AGTR1: variants seen among roughly 807,000 people sequenced by gnomAD.
AGTR1 encodes the protein angiotensin II receptor type 1.
AGTR1 carries 16 observed loss-of-function variants against 19.4 expected under a neutral mutation model. The observed-to-expected ratio is 0.82, with a 90% confidence interval of 0.56 to 1.25. The LOEUF (loss-of-function observed/expected upper bound fraction) is 1.25, where lower values mean the gene tolerates loss of function less well. Among genes scored for constraint, AGTR1 ranks in the 50% most tolerant of loss-of-function variants. The probability of loss-of-function intolerance (pLI) is 0.00; values close to 1 mark genes in which losing one functional copy is unlikely to be tolerated. For synonymous variants in AGTR1, 153 were observed against 154.9 expected, an observed-to-expected ratio of 0.99 and a Z score of 0.09; for missense variants, 373 against 431.9, an observed-to-expected ratio of 0.86 and a Z score of 1.21.
In AGTR1 at chr3:148,742,282, T is replaced by G. The variant is rs2107976777; in HGVS notation, c.*167T>G. 9.9e-7 allele frequency: 1 copy of G among 1,009,460 alleles called. No homozygotes were observed. The highest frequency in any genetic ancestry group is 2.4e-5 in the East Asian group (1 of 41,360). 62.5% of individuals were successfully genotyped at this position (1,009,460 alleles called of 1,614,324 possible). ...TTCTAAAGCTCTGAACAAAAGCTTT[T>G]CTTTCCTTTTGCAACAAGACAAAGC... On this transcript the variant is annotated 3_prime_UTR_variant, in exon 3 of 3. Transcript: ENST00000349243.
intron 2 of AGTR1, among the ~76,000 whole-genome samples, chr3:148,718,156 G>A (rs1713401944): frequency 6.6e-6 from 1 of 152,136 alleles, no homozygotes; most frequent in Non-Finnish European, 1.5e-5. Context: ...AAAGAAGTGA[G>A]CTTCCTAGTA....
At chr3:148,734,249 A>T (rs1714446454) in intron 2 of AGTR1, among the ~76,000 whole-genome samples, 1 of 152,222 alleles carries the variant, frequency 6.6e-6, no homozygotes, top group Admixed American at 6.5e-5. Flanking sequence ...CATATCCTAA[A>T]TATAAATGTT....
At chr3:148,707,240 TATAC>T (rs1237185817) in intron 1 of AGTR1, among the ~76,000 whole-genome samples, 4 of 152,062 alleles carry the variant, frequency 2.6e-5, no homozygotes, top group African/African-American at 9.7e-5. Context: ...AAACTATAGA[TATAC>T]ATATTTATAT....
rs1714889058 is a variant in AGTR1, at chr3:148,741,563, T to C, written c.528T>C (p.Asn176=). 1 of 1,613,962 alleles carries C rather than the reference T, an allele frequency of 6.2e-7. No individual in the cohort carries two copies. Residue 176 remains asparagine, a synonymous_variant, in exon 3 of 3, where the codon AAT becomes AAC. Transcript: ENST00000349243. ...ATGTATTTTTCATTGAGAACACCAA[T>C]ATTACAGTTTGTGCTTTCCATTATG... ...HRNVFFIENT[N]ITVCAFHYES...
At chr3:148,735,724 G>A (rs1419832766) in intron 2 of AGTR1, among the ~76,000 whole-genome samples, 2 of 152,310 alleles carry the variant, frequency 1.3e-5, no homozygotes, top group Middle Eastern at 3.4e-3. Context: ...TTTCACAAGT[G>A]AATAGCTAAC....
At chr3:148,717,418 C>T (rs953384337) in intron 2 of AGTR1, among the ~76,000 whole-genome samples, 2 of 152,120 alleles carry the variant, frequency 1.3e-5, no homozygotes, top group Admixed American at 6.5e-5. Context: ...GGAGTAATTC[C>T]GACACCTAGG....
intron 2 of AGTR1, among the ~76,000 whole-genome samples, chr3:148,720,109 C>T (rs767671710): frequency 1.4e-4 from 21 of 152,124 alleles, no homozygotes; most frequent in Admixed American, 3.3e-4. Context: ...ATCTCTCTAA[C>T]CACTTGAAGC....
chr3:148,708,396 G>C (rs1431054154), intron 2 of AGTR1, among the ~76,000 whole-genome samples: 1 of 152,070 alleles, frequency 6.6e-6, no homozygotes, highest in African/African-American at 2.4e-5. Context: ...TCTCTTGTCA[G>C]CTACTTCCTG....
At chr3:148,698,762 C>T (rs1712138962) in intron 1 of AGTR1, among the ~76,000 whole-genome samples, 1 of 152,200 alleles carries the variant, frequency 6.6e-6, no homozygotes, top group Non-Finnish European at 1.5e-5. Flanking sequence ...CTCCACACCC[C>T]AATCCCTACA....
At chr3:148,735,157 A>G (rs1714505687) in intron 2 of AGTR1, among the ~76,000 whole-genome samples, 1 of 152,208 alleles carries the variant, frequency 6.6e-6, no homozygotes, top group South Asian at 2.1e-4. Flanking sequence ...TTTCCTGATT[A>G]AAGCCAGGGA....
intron 2 of AGTR1, among the ~76,000 whole-genome samples, chr3:148,726,530 T>C (rs1713954108): frequency 6.6e-6 from 1 of 152,188 alleles, no homozygotes. Context: ...TTTATGTTCA[T>C]CACCTTCTTA....
intron 2 of AGTR1, chr3:148,730,568 CT>C (rs2107960348): frequency 5.3e-6 from 1 of 188,978 alleles, no homozygotes; most frequent in South Asian, 1.9e-4. Context: ...AACATTTTAG[CT>C]GAGGGTACTT....
chr3:148,731,609 G>A (rs1714260785), intron 2 of AGTR1: 1 of 152,080 alleles, frequency 6.6e-6, no homozygotes, highest in Non-Finnish European at 1.5e-5. Context: ...ATTTTTAGCA[G>A]TCCATGAAAT....
Position 148,742,053 on chromosome 3 carries a change from C to T in AGTR1, c.1018C>T (p.Arg340Cys), listed in dbSNP as rs548345422. 1.2e-5 allele frequency: 20 copies of T among 1,613,760 alleles called. No homozygotes were observed. The highest frequency in any genetic ancestry group is 3.3e-5 in the Admixed American group (2 of 59,962). The change falls in exon 3 of 3, where the codon CGC (arginine) becomes TGC (cysteine). Residue 340 changes from arginine to cysteine, a missense_variant. Coordinates refer to ENST00000349243, the MANE Select transcript of AGTR1 (RefSeq NM_000685.5). Reference protein sequence around the residue: ...LSTKMSTLSYRPSDNVSSSTK... With the variant: ...LSTKMSTLSYCPSDNVSSSTK... ...AACAAAAATGAGCACGCTTTCCTAC[C>T]GCCCCTCAGATAATGTAAGCTCATC...
intron 2 of AGTR1, among the ~76,000 whole-genome samples, chr3:148,721,131 A>C (rs1355815646): frequency 6.6e-6 from 1 of 152,182 alleles, no homozygotes. Context: ...AGAGGGCAAC[A>C]AAGAAGGTAG....
rs558559542 is a variant in AGTR1, at chr3:148,710,399, A to C, written c.-48+2372A>C. Among the ~76,000 whole-genome samples, 3 of 152,284 alleles carry C rather than the reference A, an allele frequency of 2.0e-5. No individual in the cohort carries two copies. In the South Asian group the frequency reaches 6.2e-4, roughly 32 times the overall value. On this transcript the variant is annotated intron_variant, in intron 2 of 2. Transcript: ENST00000349243. ...CTTAAAATTGTGAAAAGAAGTACCC[A>C]CAGTTATATTAAGAACTAAAATATA...
chr3:148,736,815 A>G (rs974284882), intron 2 of AGTR1, among the ~76,000 whole-genome samples: 2 of 152,226 alleles, frequency 1.3e-5, no homozygotes, highest in African/African-American at 4.8e-5. Context: ...TAAAAGGAAT[A>G]GTAAGACCAA....
chr3:148,719,172 T>G (rs1383612279), intron 2 of AGTR1, among the ~76,000 whole-genome samples: 2 of 152,176 alleles, frequency 1.3e-5, no homozygotes, highest in Non-Finnish European at 2.9e-5. Context: ...AATACAGACC[T>G]CTAGTGGTTG....
At position 148,741,298 on chromosome 3, in the gene AGTR1, C is replaced by A; in HGVS notation, c.263C>A (p.Thr88Lys). 6.2e-7 allele frequency: 1 copy of A among 1,612,534 alleles called. No homozygotes were observed. The part of the protein sequence containing the change: ...LLTLPLWAVY[T>K]AMEYRWPFGN... ...ACTTTGCCACTATGGGCTGTCTACA[C>A]AGCTATGGAATACCGCTGGCCCTTT... The change falls in exon 3 of 3, where the codon ACA becomes AAA. Residue 88 changes from threonine (T) to lysine (K), a missense_variant. Transcript: ENST00000349243.
Sources: gnomAD v4.1 joint callset for allele counts (sites outside exome capture counted in the v4.1 genomes callset) on GRCh38, gnomAD v4.1.1 for gene constraint, MANE v1.5 for transcripts, NCBI Gene and HGNC (gene_info 2026-07-23, HGNC 2026-07-21) for gene names.